The following DLC1 variants were observed in gnomAD, a reference collection of about 807,000 sequenced individuals.
The protein encoded by DLC1 is rho GTPase-activating protein 7.
Under a neutral mutation model 140.3 loss-of-function variants are expected in DLC1, and 54 were observed. The observed-to-expected ratio is 0.38, with a 90% CI of 0.31 to 0.48. DLC1 has a LOEUF of 0.48. Among genes scored for constraint, DLC1 ranks in the 20% least tolerant of loss-of-function variants. DLC1 has a pLI of 0.96. For missense variants in DLC1, 2,536 were observed against 1,907.0 expected (o/e 1.33, Z -6.14); for synonymous variants, 986 against 728.1 (o/e 1.35, Z -5.70).
chr8:13,361,001 C>T (rs1178849955), intron 4 of DLC1, among the ~76,000 whole-genome samples: 9 of 151,856 alleles, frequency 5.9e-5, no homozygotes, highest in East Asian at 3.9e-4. Flanking sequence ...GAGGTTGAGG[C>T]GGGCAGAATG....
chr8:13,245,574 C>T (rs1201034502), intron 5 of DLC1, among the ~76,000 whole-genome samples: 1 of 152,198 alleles, frequency 6.6e-6, no homozygotes, highest in Admixed American at 6.5e-5. Flanking sequence ...GAGCTACCTC[C>T]ACCTGAATCT....
intron 1 of DLC1, among the ~76,000 whole-genome samples, chr8:13,571,856 C>G (rs34466826): frequency 6.6e-6 from 1 of 151,972 alleles, no homozygotes; most frequent in Non-Finnish European, 1.5e-5. Flanking sequence ...TTTTCACGTC[C>G]TTGCCAACAC....
At chr8:13,279,766 C>T (rs956211202) in intron 5 of DLC1, among the ~76,000 whole-genome samples, 1 of 152,130 alleles carries the variant, frequency 6.6e-6, no homozygotes, top group Admixed American at 6.6e-5. Flanking sequence ...CTTTGTAGGC[C>T]ACTAGAAATG....
intron 6 of DLC1, among the ~76,000 whole-genome samples, chr8:13,114,429 G>A (rs1344294479): frequency 6.6e-6 from 1 of 152,148 alleles, no homozygotes; most frequent in Non-Finnish European, 1.5e-5. Flanking sequence ...GCACTCCCCA[G>A]GGTACGCAGA....
chr8:13,255,842 T>G (rs1242567823), intron 5 of DLC1, among the ~76,000 whole-genome samples: 1 of 152,230 alleles, frequency 6.6e-6, no homozygotes, highest in African/African-American at 2.4e-5. Flanking sequence ...TAAGAAGTAC[T>G]CACTTAATAT....
chr8:13,602,660 T>A (rs1258031340), intron 1 of DLC1, among the ~76,000 whole-genome samples: 1 of 151,938 alleles, frequency 6.6e-6, no homozygotes, highest in Non-Finnish European at 1.5e-5. Context: ...GTACATTTTT[T>A]GTATATGCTC....
At chr8:13,097,750 C>G (rs149655507) in intron 10 of DLC1, among the ~76,000 whole-genome samples, 263 of 152,208 alleles carry the variant, frequency 1.7e-3, no homozygotes, top group Non-Finnish European at 3.0e-3. Flanking sequence ...GGTGCCTATA[C>G]CACGTGATGC....
chr8:13,181,191 A>G (rs534557468), intron 5 of DLC1, among the ~76,000 whole-genome samples: 2 of 152,074 alleles, frequency 1.3e-5, no homozygotes, highest in Admixed American at 1.3e-4. Context: ...ATTTGCTCTC[A>G]CTCCAAAACC....
intron 5 of DLC1, among the ~76,000 whole-genome samples, chr8:13,285,271 G>C (rs1047542186): frequency 5.9e-5 from 9 of 152,118 alleles, no homozygotes; most frequent in Non-Finnish European, 1.5e-5. Flanking sequence ...GCTAAAGTTA[G>C]CTAATGGAGG....
chr8:13,291,172 G>A (rs944916525), intron 5 of DLC1, among the ~76,000 whole-genome samples: 2 of 152,214 alleles, frequency 1.3e-5, no homozygotes, highest in Admixed American at 6.5e-5. Flanking sequence ...GCCTCCCAAA[G>A]TGCTGGGATT....
At chr8:13,549,908 A>G (rs939071416) in intron 1 of DLC1, among the ~76,000 whole-genome samples, 1 of 152,138 alleles carries the variant, frequency 6.6e-6, no homozygotes, top group Non-Finnish European at 1.5e-5. Context: ...CGGCTTGTTT[A>G]CAAACTACAC....
chr8:13,170,692 T>A (rs1252855748), intron 5 of DLC1, among the ~76,000 whole-genome samples: 2 of 139,810 alleles, frequency 1.4e-5, no homozygotes, highest in Non-Finnish European at 3.0e-5. Context: ...ATCGCGCCAC[T>A]GCACTCCAGC....
At chr8:13,516,707 A>G (rs890389075), upstream of DLC1, among the ~76,000 whole-genome samples, 1 of 152,254 alleles carries the variant, frequency 6.6e-6, no homozygotes, top group Non-Finnish European at 1.5e-5. Flanking sequence ...ACCATAGGCC[A>G]AGAAAGAAGT....
intron 5 of DLC1, among the ~76,000 whole-genome samples, chr8:13,224,898 T>A (rs1342287515): frequency 2.0e-5 from 3 of 152,218 alleles, no homozygotes; most frequent in Non-Finnish European, 4.4e-5. Flanking sequence ...ACTAAAAAAA[T>A]TGTAGAAAGT....
intron 4 of DLC1, among the ~76,000 whole-genome samples, chr8:13,347,874 G>A (rs1834429253): frequency 6.6e-6 from 1 of 152,164 alleles, no homozygotes. Flanking sequence ...TGGATCACAA[G>A]GTCAGGATAT....
At chr8:13,464,983 C>T (rs1019263025) in intron 2 of DLC1, among the ~76,000 whole-genome samples, 12 of 151,998 alleles carry the variant, frequency 7.9e-5, no homozygotes, top group African/African-American at 2.9e-4. Flanking sequence ...CTTCCCACCT[C>T]AGCCTCCTGA....
At chr8:13,133,293 T>C in intron 5 of DLC1, 3 of 1,257,506 alleles carry the variant, frequency 2.4e-6, no homozygotes, top group Admixed American at 4.3e-5. Context: ...GCGAACTGTC[T>C]CCCGCGCGCT....
chr8:13,474,685 A>T (rs1800364640), intron 2 of DLC1, among the ~76,000 whole-genome samples: 1 of 152,192 alleles, frequency 6.6e-6, no homozygotes. Context: ...CTCTTGCACC[A>T]GCCTCATCTG....
chr8:13,285,261 G>A (rs898777083), intron 5 of DLC1, among the ~76,000 whole-genome samples: 10 of 152,108 alleles, frequency 6.6e-5, no homozygotes, highest in African/African-American at 2.2e-4. Flanking sequence ...TTATAATGGT[G>A]CTAAAGTTAG....
Sources: allele counts gnomAD v4.1 joint callset (sites outside exome capture counted in the v4.1 genomes callset), GRCh38; gene constraint gnomAD v4.1.1; transcripts MANE v1.5; gene names NCBI Gene and HGNC (gene_info 2026-07-23, HGNC 2026-07-21).